The following MTMR7 variants were observed in gnomAD, a reference collection of about 807,000 sequenced individuals.
MTMR7 encodes phosphatidylinositol-3-phosphate phosphatase MTMR7.
Under a neutral mutation model 81.2 loss-of-function variants are expected in MTMR7, and 76 were observed. That is an observed-to-expected ratio of 0.94 (90% CI 0.78 to 1.13). The LOEUF (loss-of-function observed/expected upper bound fraction) is 1.13. Ranked by LOEUF, MTMR7 falls within the 50% of genes most tolerant of loss-of-function variation. The pLI is 0.00. For missense variants in MTMR7, 1,044 were observed against 820.0 expected, an observed-to-expected ratio of 1.27 and a Z score of -3.34; for synonymous variants, 372 against 289.8, an observed-to-expected ratio of 1.28 and a Z score of -2.88.
chr8:17,395,119 T>C (rs1010391492), intron 1 of MTMR7, among the ~76,000 whole-genome samples: 1 of 152,154 alleles, frequency 6.6e-6, no homozygotes, highest in African/African-American at 2.4e-5. Flanking sequence ...TATTTTACTT[T>C]TCATTTCTAA....
At chr8:17,381,144 G>T (rs7460082) in intron 1 of MTMR7, among the ~76,000 whole-genome samples, 65,717 of 152,054 alleles carry the variant, frequency 0.43, 15,362 homozygotes, top group Admixed American at 0.59. Flanking sequence ...CAATGGAAAA[G>T]ACTATGCCCC....
At chr8:17,366,849 G>A (rs1258179282) in intron 3 of MTMR7, among the ~76,000 whole-genome samples, 2 of 138,730 alleles carry the variant, frequency 1.4e-5, no homozygotes. Context: ...TCGAGCCACT[G>A]CACTCCAGCC....
At chr8:17,371,656 T>C (rs1365548365) in intron 2 of MTMR7, among the ~76,000 whole-genome samples, 1 of 152,192 alleles carries the variant, frequency 6.6e-6, no homozygotes, top group Non-Finnish European at 1.5e-5. Context: ...CATGGGATTG[T>C]TGTTTTCTAA....
At chr8:17,362,267 C>A (rs1384843135) in intron 3 of MTMR7, among the ~76,000 whole-genome samples, 2 of 152,116 alleles carry the variant, frequency 1.3e-5, no homozygotes, top group African/African-American at 4.8e-5. Flanking sequence ...TTGTTTTGTG[C>A]TGTCTTTGAA....
intron 1 of MTMR7, among the ~76,000 whole-genome samples, chr8:17,394,227 C>A (rs1213553220): frequency 6.6e-6 from 1 of 152,176 alleles, no homozygotes; most frequent in Non-Finnish European, 1.5e-5. Context: ...TATTTTCACA[C>A]ACAAAGAAAT....
At chr8:17,342,672 G>A (rs1819438890) in intron 5 of MTMR7, among the ~76,000 whole-genome samples, 1 of 152,094 alleles carries the variant, frequency 6.6e-6, no homozygotes, top group Non-Finnish European at 1.5e-5. Context: ...ATATTACAGG[G>A]GCCATTGTCT....
At chr8:17,389,178 C>T (rs1232589882) in intron 1 of MTMR7, among the ~76,000 whole-genome samples, 1 of 152,226 alleles carries the variant, frequency 6.6e-6, no homozygotes, top group African/African-American at 2.4e-5. Flanking sequence ...TAACACCTTT[C>T]CTCAACTACC....
At chr8:17,300,675 T>G (rs1245567933) in intron 13 of MTMR7, among the ~76,000 whole-genome samples, 2 of 152,228 alleles carry the variant, frequency 1.3e-5, no homozygotes, top group Non-Finnish European at 2.9e-5. Flanking sequence ...TTTAGTTATA[T>G]TCACAAGGTT....
At chr8:17,335,491 C>G (rs1318278346) in intron 6 of MTMR7, among the ~76,000 whole-genome samples, 1 of 152,194 alleles carries the variant, frequency 6.6e-6, no homozygotes, top group Non-Finnish European at 1.5e-5. Context: ...CCTTAGTCCT[C>G]AAGTCTACCA....
At chr8:17,381,298 G>A (rs1031907246) in intron 1 of MTMR7, among the ~76,000 whole-genome samples, 2 of 152,114 alleles carry the variant, frequency 1.3e-5, no homozygotes, top group African/African-American at 4.8e-5. Flanking sequence ...CCAGGTCTGA[G>A]GAGGCCACAC....
Position 17,305,877 on chromosome 8 carries a change from T to G in MTMR7, c.1232A>C (p.Glu411Ala). The change falls in exon 11 of 14, where the codon GAA (glutamate) becomes GCA (alanine). Residue 411 changes from glutamate (E) to alanine (A), a missense_variant. By Grantham distance (107) the Glu-to-Ala change is moderately radical. Transcript: ENST00000180173. ...QFIECVWQLM[E>A]QFPCAFEFNE... ...GAACTCAAAGGCACAGGGAAATTGT[T>G]CCATTAACTGCCAAACACACTCAAT... 2.5e-6 allele frequency: 4 copies of G among 1,613,736 alleles called. No individual in the cohort carries two copies. The highest frequency in any genetic ancestry group is 3.4e-6 in the Non-Finnish European group (4 of 1,179,706).
intron 1 of MTMR7, 108 bp downstream of exon 1, chr8:17,413,161 G>T: frequency 7.6e-7 from 1 of 1,317,990 alleles, no homozygotes; most frequent in South Asian, 1.3e-5. Flanking sequence ...CGCGGTCCAG[G>T]CTCCGCCGGT....
chr8:17,410,556 C>A (rs1322243427), intron 1 of MTMR7, among the ~76,000 whole-genome samples: 1 of 152,156 alleles, frequency 6.6e-6, no homozygotes, highest in Middle Eastern at 3.2e-3. Flanking sequence ...CCCCCTTTAA[C>A]CCAACTGCAA....
chr8:17,330,108 C>G lies in MTMR7; in HGVS notation c.865+1042G>C, dbSNP rs187858172. Among the ~76,000 whole-genome samples the G allele has an allele frequency of 3.3e-4, 50 of 152,304 alleles. 1 individual carries two copies. The East Asian group carries it at 8.9e-3, about 27-fold the overall frequency. On this transcript the variant is annotated intron_variant, in intron 7 of 13. Coordinates refer to ENST00000180173, the MANE Select transcript of MTMR7 (RefSeq NM_004686.5). The stretch of plus-strand genomic sequence containing the variant: ...AATGACTGAGATGAACCAGAAAGTC[C>G]AGGAAACAGAATGGAAATTAGGCCT...
At chr8:17,300,883 T>C (rs1407123021) in intron 13 of MTMR7, among the ~76,000 whole-genome samples, 1 of 152,250 alleles carries the variant, frequency 6.6e-6, no homozygotes, top group African/African-American at 2.4e-5. Flanking sequence ...ATGTGGATTT[T>C]TGTATCTGGC....
intron 3 of MTMR7, among the ~76,000 whole-genome samples, chr8:17,365,924 A>C (rs1820211215): frequency 6.6e-6 from 1 of 152,222 alleles, no homozygotes; most frequent in Non-Finnish European, 1.5e-5. Flanking sequence ...AGTTGAAAGC[A>C]TGAGCTCAAC....
At chr8:17,332,412 C>T (rs1397466167) in intron 6 of MTMR7, among the ~76,000 whole-genome samples, 1 of 152,152 alleles carries the variant, frequency 6.6e-6, no homozygotes, top group African/African-American at 2.4e-5. Flanking sequence ...AAACCCATGA[C>T]TATCTCAATA....
chr8:17,369,722 T>C (rs1268776515), intron 3 of MTMR7, among the ~76,000 whole-genome samples: 2 of 148,420 alleles, frequency 1.3e-5, no homozygotes, highest in Admixed American at 6.9e-5. Context: ...CTCAGCTCTC[T>C]GCAACCTTCA....
intron 8 of MTMR7, 168 bp from the exon 9 acceptor site, chr8:17,311,804 G>T: frequency 9.7e-7 from 1 of 1,026,822 alleles, no homozygotes; most frequent in Non-Finnish European, 1.4e-6. Flanking sequence ...AGCCAGAGTG[G>T]CCTGGTGCTG....
Sources: allele counts gnomAD v4.1 joint callset (sites outside exome capture counted in the v4.1 genomes callset), GRCh38; gene constraint gnomAD v4.1.1; transcripts MANE v1.5; gene names NCBI Gene and HGNC (gene_info 2026-07-23, HGNC 2026-07-21).